The following C1QTNF7 variants were observed in gnomAD, a reference collection of about 807,000 sequenced individuals.
C1QTNF7 encodes the protein C1q and TNF related 7, also known as complement C1q tumor necrosis factor-related protein 7.
In C1QTNF7, 15 loss-of-function variants were observed where a neutral mutation model predicts 19.6. That is an observed-to-expected ratio of 0.76 (90% CI 0.51 to 1.18). The LOEUF is 1.18. Among genes scored for constraint, C1QTNF7 ranks in the 50% most tolerant of loss-of-function variants. C1QTNF7 has a pLI of 0.00. For synonymous variants in C1QTNF7, 142 were observed against 137.5 expected (o/e 1.03, Z -0.23); for missense variants, 324 against 359.7 (o/e 0.90, Z 0.80).
intron 1 of C1QTNF7, among the ~76,000 whole-genome samples, chr4:15,376,823 G>A (rs915928121): frequency 6.6e-6 from 1 of 152,134 alleles, no homozygotes; most frequent in Non-Finnish European, 1.5e-5. Flanking sequence ...GATTTCAGAC[G>A]AGTAAACTGA....
chr4:15,389,131 AGTTTTAAG>A (rs1560351884), intron 1 of C1QTNF7, among the ~76,000 whole-genome samples: 1 of 152,166 alleles, frequency 6.6e-6, no homozygotes, highest in Non-Finnish European at 1.5e-5. Context: ...AGCGGCCTTG[AGTTTTAAG>A]GGGCAGTAGG....
Position 15,346,359 on chromosome 4 carries a change from G to A in C1QTNF7, c.13+6152G>A, listed in dbSNP as rs575151354. Among the ~76,000 whole-genome samples, 15 of 152,238 alleles carry A rather than the reference G, an allele frequency of 9.9e-5. No homozygotes were observed. The South Asian group carries it at 2.1e-3, about 21-fold the overall frequency. On this transcript the variant is annotated intron_variant, in intron 1 of 2. Coordinates refer to the C1QTNF7 transcript ENST00000295297. ...TTAATTGGTTCTAATTAATTAAGAC[G>A]AATTATAGATTAGTATTAAATATTG...
chr4:15,352,585 T>C (rs1716977754), intron 1 of C1QTNF7, among the ~76,000 whole-genome samples: 1 of 152,182 alleles, frequency 6.6e-6, no homozygotes. Flanking sequence ...AAACCTCAGG[T>C]TGCAGAAGGG....
chr4:15,424,133 A>G (rs1286755750), upstream of C1QTNF7, among the ~76,000 whole-genome samples: 1 of 152,208 alleles, frequency 6.6e-6, no homozygotes, highest in East Asian at 1.9e-4. Context: ...TTCCAGTTAC[A>G]TGAACAATTT....
At chr4:15,416,885 T>G (rs1282093276) in intron 1 of C1QTNF7, among the ~76,000 whole-genome samples, 1 of 152,240 alleles carries the variant, frequency 6.6e-6, no homozygotes, top group Non-Finnish European at 1.5e-5. Context: ...AAAAATCAGC[T>G]GAAGTGCAGC....
chr4:15,388,358 C>A (rs1718419785), intron 1 of C1QTNF7, among the ~76,000 whole-genome samples: 1 of 152,144 alleles, frequency 6.6e-6, no homozygotes, highest in African/African-American at 2.4e-5. Context: ...TCCTCCCGTC[C>A]ATCCAGCCAG....
chr4:15,345,629 G>A (rs887345084), intron 1 of C1QTNF7, among the ~76,000 whole-genome samples: 1 of 152,142 alleles, frequency 6.6e-6, no homozygotes, highest in African/African-American at 2.4e-5. Flanking sequence ...AAATGATAAG[G>A]CAGAGGTGAA....
At chr4:15,436,981 C>A (rs1400605136) in intron 2 of C1QTNF7, among the ~76,000 whole-genome samples, 3 of 152,138 alleles carry the variant, frequency 2.0e-5, no homozygotes, top group Non-Finnish European at 4.4e-5. Flanking sequence ...ATTACCAAAT[C>A]TATGAACATT....
chr4:15,391,420 G>C lies in C1QTNF7; in HGVS notation c.14-44316G>C, dbSNP rs571724248. Among the ~76,000 whole-genome samples, 26 of 152,142 alleles carry C rather than the reference G, an allele frequency of 1.7e-4. No individual in the cohort carries two copies. In the South Asian group the frequency reaches 2.1e-3, roughly 12 times the overall value. Reference sequence around the variant, plus strand: ...TGGGTGGGGAGACCCCACCTGAACTGTACGTTTTGAGAGAAGGAGAAGAAA... The same window carrying C: ...TGGGTGGGGAGACCCCACCTGAACTCTACGTTTTGAGAGAAGGAGAAGAAA... On this transcript the variant is annotated intron_variant, in intron 1 of 2. Coordinates refer to the C1QTNF7 transcript ENST00000295297.
intron 1 of C1QTNF7, among the ~76,000 whole-genome samples, chr4:15,400,379 T>C (rs1718939618): frequency 6.6e-6 from 1 of 152,252 alleles, no homozygotes; most frequent in Non-Finnish European, 1.5e-5. Flanking sequence ...TAAATAATGC[T>C]GTCAACAGCA....
In C1QTNF7 at chr4:15,442,491, G is replaced by T; in HGVS notation, c.562G>T (p.Ala188Ser). The T allele has an allele frequency of 6.2e-7, 1 of 1,614,206 alleles. No individual in the cohort carries two copies. Among genetic ancestry groups the T allele is most frequent in the Non-Finnish European group, 8.5e-7 (1 of 1,180,032 alleles). The stretch of plus-strand genomic sequence containing the variant: ...CCCTGCCACAGGGAAGTTCATCTGT[G>T]CTTTCCCAGGGATCTATTACTTTTC... ...YNPATGKFIC[A>S]FPGIYYFSYD... The change falls in exon 3 of 3, where the codon GCT becomes TCT. Residue 188 changes from alanine to serine, a missense_variant. By Grantham distance (99) the Ala-to-Ser change is moderately conservative. Transcript: ENST00000444304.
At position 15,444,985 on chromosome 4, in the gene C1QTNF7, T is replaced by C. The variant is rs559599152; in HGVS notation, c.*2186T>C. The C allele has an allele frequency of 6.6e-6, 1 of 152,364 alleles. No homozygotes were observed. The highest frequency in any genetic ancestry group is 2.1e-4 in the South Asian group (1 of 4,830). 9.4% of individuals were successfully genotyped at this position (152,364 alleles called of 1,614,324 possible). The stretch of plus-strand genomic sequence containing the variant: ...ATACTGCCATTACCACAGATGAAAG[T>C]TGCAATGATCTAGCAGTTGTGTGCA... On this transcript the variant is annotated 3_prime_UTR_variant, in exon 3 of 3. Transcript: ENST00000444304.
At chr4:15,394,194 A>C (rs1718692302) in intron 1 of C1QTNF7, among the ~76,000 whole-genome samples, 1 of 152,238 alleles carries the variant, frequency 6.6e-6, no homozygotes, top group African/African-American at 2.4e-5. Context: ...GAAAGTACGT[A>C]AGGTAAATGT....
At chr4:15,381,600 G>A (rs1157223295) in intron 1 of C1QTNF7, among the ~76,000 whole-genome samples, 1 of 151,972 alleles carries the variant, frequency 6.6e-6, no homozygotes, top group African/African-American at 2.4e-5. Context: ...TGGACTACAG[G>A]TTCTTCATAT....
At chr4:15,345,608 C>A (rs772351257) in intron 1 of C1QTNF7, among the ~76,000 whole-genome samples, 4 of 152,166 alleles carry the variant, frequency 2.6e-5, no homozygotes, top group Non-Finnish European at 5.9e-5. Context: ...GAAGGCTGGG[C>A]AACACTCGTG....
At chr4:15,405,190 G>A (rs575174144) in intron 1 of C1QTNF7, among the ~76,000 whole-genome samples, 61 of 152,216 alleles carry the variant, frequency 4.0e-4, no homozygotes, top group African/African-American at 1.3e-3. Context: ...TGTTTCCCTC[G>A]TTCCACTGTT....
chr4:15,353,415 G>A (rs752734543), intron 1 of C1QTNF7, among the ~76,000 whole-genome samples: 1 of 152,220 alleles, frequency 6.6e-6, no homozygotes, highest in Admixed American at 6.5e-5. Flanking sequence ...CTTTCAGCTC[G>A]TATTTTCAGA....
intron 1 of C1QTNF7, among the ~76,000 whole-genome samples, chr4:15,419,185 CA>C (rs994150497): frequency 2.0e-5 from 3 of 152,024 alleles, no homozygotes; most frequent in African/African-American, 7.3e-5. Flanking sequence ...CAGCATGTAC[CA>C]AAAAAGACAT....
At chr4:15,391,124 A>G (rs115012423) in intron 1 of C1QTNF7, among the ~76,000 whole-genome samples, 2,137 of 152,006 alleles carry the variant, frequency 0.014, 57 homozygotes, top group African/African-American at 0.049. Context: ...CTCTAAGCAT[A>G]CGGTCTGAAC....
Sources: allele counts gnomAD v4.1 joint callset (sites outside exome capture counted in the v4.1 genomes callset), GRCh38; gene constraint gnomAD v4.1.1; transcripts MANE v1.5; gene names NCBI Gene and HGNC (gene_info 2026-07-23, HGNC 2026-07-21).